The following TMEM178B variants were observed in gnomAD, a reference collection of about 807,000 sequenced individuals.
TMEM178B encodes the protein transmembrane protein 178B.
Under a neutral mutation model 31.0 loss-of-function variants are expected in TMEM178B, and 5 were observed. The observed-to-expected ratio is 0.16, with a 90% CI of 0.08 to 0.34. TMEM178B has a LOEUF of 0.34. Ranked by LOEUF, TMEM178B falls within the 10% of genes least tolerant of loss-of-function variation. TMEM178B has a pLI of 1.00. For missense variants in TMEM178B, 275 were observed against 400.3 expected (o/e 0.69, Z 2.67); for synonymous variants, 164 against 164.0 (o/e 1.00, Z 0.00).
chr7:141,099,496 A>G (rs1344099042), intron 1 of TMEM178B, among the ~76,000 whole-genome samples: 1 of 152,166 alleles, frequency 6.6e-6, no homozygotes, highest in Non-Finnish European at 1.5e-5. Context: ...GAATGGACTC[A>G]TATGTAGCCA....
intron 1 of TMEM178B, among the ~76,000 whole-genome samples, chr7:141,100,010 G>A (rs549325764): frequency 2.6e-5 from 4 of 152,128 alleles, no homozygotes; most frequent in Admixed American, 2.0e-4. Flanking sequence ...TAGTAGAGAT[G>A]GGGTTTCACC....
intron 2 of TMEM178B, among the ~76,000 whole-genome samples, chr7:141,233,357 G>T (rs2129191997): frequency 1.3e-5 from 2 of 152,346 alleles, no homozygotes; most frequent in South Asian, 4.1e-4. Flanking sequence ...CCTAATGGGG[G>T]TGACCCAGGA....
At chr7:141,457,264 A>G (rs1244173826) in intron 3 of TMEM178B, among the ~76,000 whole-genome samples, 7 of 152,222 alleles carry the variant, frequency 4.6e-5, no homozygotes, top group Non-Finnish European at 8.8e-5. Context: ...GCACTGTCAC[A>G]TGCTTTGAGA....
rs188339583 is a variant in TMEM178B at position 141,245,775 on chromosome 7, G to A, written c.496+33071G>A. ...CAAGAGAATTGGCATGCTGTGAGTC[G>A]ATCTTCATCCAAACCTTTTCCAAAT... On this transcript the variant is annotated intron_variant, in intron 2 of 3. Transcript: ENST00000565468. 5.1e-3 allele frequency among the ~76,000 whole-genome samples: 783 copies of A among 152,278 alleles called. 8 individuals are homozygous for A. The highest frequency in any genetic ancestry group is 0.018 in the African/African-American group (745 of 41,566).
intron 1 of TMEM178B, among the ~76,000 whole-genome samples, chr7:141,165,036 G>A (rs1796237088): frequency 6.6e-6 from 1 of 152,138 alleles, no homozygotes; most frequent in South Asian, 2.1e-4. Flanking sequence ...AAATAGTACA[G>A]AGAGTTTCCG....
intron 1 of TMEM178B, among the ~76,000 whole-genome samples, chr7:141,198,834 C>T (rs565085129): frequency 2.7e-4 from 41 of 152,352 alleles, no homozygotes; most frequent in South Asian, 8.3e-4. Flanking sequence ...GGAGGAGCTG[C>T]GCCGGGTGTC....
At chr7:141,288,696 A>G (rs1283887675) in intron 2 of TMEM178B, among the ~76,000 whole-genome samples, 2 of 152,064 alleles carry the variant, frequency 1.3e-5, no homozygotes, top group African/African-American at 4.8e-5. Flanking sequence ...CTTTGAAACT[A>G]TGAGCTCCAG....
rs1048504865 is a variant in TMEM178B at position 141,176,091 on chromosome 7, G to A, written c.383-36500G>A. On this transcript the variant is annotated intron_variant, in intron 1 of 3. Transcript: ENST00000565468. ...TCCATTCAGCATGATATTGGCTGTGGGCTTGTCATAAATAGCTCTTATTAT... is the reference window on the plus strand; with the variant it reads ...TCCATTCAGCATGATATTGGCTGTGAGCTTGTCATAAATAGCTCTTATTAT... Among the ~76,000 whole-genome samples the A allele has an allele frequency of 7.2e-5, 11 of 152,104 alleles. 1 individual carries two copies. Among genetic ancestry groups the A allele is most frequent in the Admixed American group, 7.2e-4 (11 of 15,260 alleles).
intron 2 of TMEM178B, among the ~76,000 whole-genome samples, chr7:141,377,531 C>T (rs1249588066): frequency 6.6e-6 from 1 of 151,864 alleles, no homozygotes; most frequent in Non-Finnish European, 1.5e-5. Flanking sequence ...ATTAGCTAGG[C>T]GTGGCAGTGG....
At chr7:141,281,578 G>C (rs1023379570) in intron 2 of TMEM178B, among the ~76,000 whole-genome samples, 2 of 152,178 alleles carry the variant, frequency 1.3e-5, no homozygotes, top group African/African-American at 4.8e-5. Context: ...TAGTGTGAAG[G>C]TGGAGAAGCA....
intron 1 of TMEM178B, among the ~76,000 whole-genome samples, chr7:141,149,784 T>G (rs1795931179): frequency 1.3e-5 from 2 of 152,164 alleles, no homozygotes; most frequent in Admixed American, 1.3e-4. Context: ...CAAGGAAGGG[T>G]TCCGCCCTGC....
intron 1 of TMEM178B, among the ~76,000 whole-genome samples, chr7:141,123,112 C>T (rs1362757920): frequency 6.6e-6 from 1 of 152,222 alleles, no homozygotes; most frequent in Non-Finnish European, 1.5e-5. Flanking sequence ...TCTGAGTGTC[C>T]TGCATGTTGC....
intron 2 of TMEM178B, among the ~76,000 whole-genome samples, chr7:141,334,675 T>C (rs1799353876): frequency 1.3e-5 from 2 of 152,166 alleles, no homozygotes; most frequent in Non-Finnish European, 2.9e-5. Context: ...TAGACCCTCA[T>C]CCTCCTCCTC....
chr7:141,358,095 A>C (rs1799851884), intron 2 of TMEM178B, among the ~76,000 whole-genome samples: 1 of 152,188 alleles, frequency 6.6e-6, no homozygotes, highest in Non-Finnish European at 1.5e-5. Context: ...GTTTATATAA[A>C]GGAAAGGTAG....
chr7:141,374,633 C>T (rs991984099), intron 2 of TMEM178B, among the ~76,000 whole-genome samples: 4 of 152,210 alleles, frequency 2.6e-5, no homozygotes, highest in South Asian at 2.1e-4. Context: ...CGCCTCTTCC[C>T]GAGTGCTCTC....
chr7:141,450,500 G>A (rs977453881), intron 3 of TMEM178B, among the ~76,000 whole-genome samples: 1 of 152,134 alleles, frequency 6.6e-6, no homozygotes, highest in African/African-American at 2.4e-5. Context: ...TAAAACAAAA[G>A]AATTTTGTGT....
intron 2 of TMEM178B, among the ~76,000 whole-genome samples, chr7:141,231,872 G>A (rs1407715509): frequency 2.6e-5 from 4 of 152,130 alleles, no homozygotes; most frequent in South Asian, 2.1e-4. Flanking sequence ...AACATGTGCC[G>A]TGGTGGTTTG....
chr7:141,245,790 C>T (rs989748063), intron 2 of TMEM178B, among the ~76,000 whole-genome samples: 2 of 152,192 alleles, frequency 1.3e-5, no homozygotes, highest in South Asian at 4.1e-4. Flanking sequence ...TCATCCAAAC[C>T]TTTTCCAAAT....
At chr7:141,120,292 TA>T (rs1795388786) in intron 1 of TMEM178B, among the ~76,000 whole-genome samples, 1 of 152,246 alleles carries the variant, frequency 6.6e-6, no homozygotes, top group Non-Finnish European at 1.5e-5. Context: ...TGAGAAAATA[TA>T]TCTGTTTGTG....
Sources: allele counts gnomAD v4.1 joint callset (sites outside exome capture counted in the v4.1 genomes callset), GRCh38; gene constraint gnomAD v4.1.1; transcripts MANE v1.5; gene names NCBI Gene and HGNC (gene_info 2026-07-23, HGNC 2026-07-21).